COL6A5: variants seen among roughly 807,000 people sequenced by gnomAD.
The protein encoded by COL6A5 is collagen alpha-5(VI) chain.
COL6A5 carries 48 observed loss-of-function variants against 65.6 expected under a neutral mutation model. The ratio of observed to expected loss-of-function variants is 0.73; its 90% CI spans 0.58 to 0.93. The LOEUF is 0.93. Among genes scored for constraint, COL6A5 ranks in the 40% least tolerant of loss-of-function variants. The pLI is 0.00. For missense variants in COL6A5, 914 were observed against 928.3 expected, an observed-to-expected ratio of 0.98 and a Z score of 0.20; for synonymous variants, 291 against 322.8, an observed-to-expected ratio of 0.90 and a Z score of 1.05.
Position 130,411,605 on chromosome 3 carries a change from T to C in COL6A5, c.4662+1081T>C, listed in dbSNP as rs559295759. On this transcript the variant is annotated intron_variant and NMD_transcript_variant, in intron 20 of 41. Transcript: ENST00000312481. ...TCTTCTTCACACAAGAGAATTAGAATGTAATAAGAGGAAGCAGTAGAGCAG... is the reference window on the plus strand; with the variant it reads ...TCTTCTTCACACAAGAGAATTAGAACGTAATAAGAGGAAGCAGTAGAGCAG... Among the ~76,000 whole-genome samples the C allele has an allele frequency of 6.6e-5, 10 of 152,266 alleles. 1 individual carries two copies. In the South Asian group the frequency reaches 2.1e-3, roughly 32 times the overall value.
exon 6 of COL6A5, chr3:130,468,922 G>A: frequency 6.2e-7 from 1 of 1,612,540 alleles, no homozygotes; most frequent in Non-Finnish European, 8.5e-7. Context: ...GAAGTGATGA[G>A]TTTAAGGAAG....
At chr3:130,441,514 G>A (rs529780018) in intron 3 of COL6A5, among the ~76,000 whole-genome samples, 5 of 152,280 alleles carry the variant, frequency 3.3e-5, no homozygotes, top group East Asian at 1.9e-4. Context: ...TTGCTGCAGC[G>A]TACAGTTGCA....
chr3:130,484,045 T>A lies in COL6A5; in HGVS notation c.*4T>A. On this transcript the variant is annotated 3_prime_UTR_variant, in exon 8 of 8. Transcript: ENST00000512836. ...TGTTATATTTTGCAGATGGTGAAGA[T>A]ACAAGGTCATCATAGGAGAAAAGAA... The A allele has an allele frequency of 1.9e-6, 3 of 1,608,752 alleles. No individual in the cohort carries two copies. The South Asian group carries it at 3.3e-5, about 18-fold the overall frequency.
chr3:130,413,243 A>G (rs533721456), intron 20 of COL6A5, among the ~76,000 whole-genome samples: 72 of 147,650 alleles, frequency 4.9e-4, no homozygotes, highest in Admixed American at 1.9e-3. Flanking sequence ...AGGGAAATAC[A>G]GGAGACAGGA....
rs73871006 is a variant in COL6A5 at position 130,442,193 on chromosome 3, C to A, written c.1242-1283C>A. Among the ~76,000 whole-genome samples the A allele has an allele frequency of 9.5e-3, 1,453 of 152,170 alleles. 27 individuals are homozygous for A. Among genetic ancestry groups the A allele is most frequent in the African/African-American group, 0.033 (1,362 of 41,516 alleles). On this transcript the variant is annotated intron_variant, in intron 3 of 7. Coordinates refer to ENST00000512836, the Ensembl canonical transcript of COL6A5. ...TTTGATACCAACTTTCCTATTAGAG[C>A]ATTTTGTTTTATAGCAATTGAAAGA...
At chr3:130,347,398 A>G (rs1004844367) in intron 1 of COL6A5, among the ~76,000 whole-genome samples, 2 of 151,726 alleles carry the variant, frequency 1.3e-5, no homozygotes, top group African/African-American at 4.8e-5. Flanking sequence ...AAAACATCTA[A>G]AAGGCTTTTT....
In COL6A5 at chr3:130,347,038, G is replaced by A. The variant is rs12490721; in HGVS notation, c.-29+1057G>A. On this transcript the variant is annotated intron_variant and NMD_transcript_variant, in intron 1 of 41. Transcript: ENST00000312481. ...CAGATGAGGCAGGCTCTTCATCACT[G>A]CTGAGAACCTGAGCCATTAATCTTT... Among the ~76,000 whole-genome samples the A allele has an allele frequency of 2.5e-3, 388 of 152,294 alleles. 6 individuals are homozygous for A. The highest frequency in any genetic ancestry group is 0.021 in the Admixed American group (315 of 15,304).
intron 20 of COL6A5, among the ~76,000 whole-genome samples, chr3:130,412,914 C>A (rs1348457882): frequency 6.6e-6 from 1 of 152,104 alleles, no homozygotes; most frequent in African/African-American, 2.4e-5. Context: ...ATAGAATTTT[C>A]AAAAGTACTT....
chr3:130,469,397 C>T, exon 6 of COL6A5: 2 of 1,612,948 alleles, frequency 1.2e-6, no homozygotes, highest in South Asian at 2.2e-5. Context: ...TCTGGATCAT[C>T]ACTTGGTCCA....
chr3:130,443,554 A>C lies in COL6A5; in HGVS notation c.1322A>C (p.Asn441Thr), dbSNP rs1444486480. Residue 441 changes from asparagine to threonine, a missense_variant, in exon 4 of 8, where the codon AAT becomes ACT. Transcript: ENST00000512836. ...AATTTAGGAGGAGAGAATATTCAAA[A>C]TGATGGTTTCCAGTAAGTTAGAAAG... 3 of 1,603,826 alleles carry C rather than the reference A, an allele frequency of 1.9e-6. No individual in the cohort carries two copies. In the Admixed American group the frequency reaches 5.0e-5, roughly 27 times the overall value.
intron 1 of COL6A5, among the ~76,000 whole-genome samples, chr3:130,364,984 T>C (rs569566785): frequency 2.6e-5 from 4 of 152,242 alleles, no homozygotes; most frequent in Non-Finnish European, 5.9e-5. Context: ...AGGTGCTCAG[T>C]TGATGTCATC....
rs756423781 is a variant in COL6A5 at position 130,470,851 on chromosome 3, C to G, written c.2232-20C>G. 8 of 1,579,880 alleles carry G rather than the reference C, an allele frequency of 5.1e-6. No individual in the cohort carries two copies. The highest frequency in any genetic ancestry group is 1.3e-5 in the African/African-American group (1 of 74,148). Reference sequence around the variant, plus strand: ...TGTAGGTGGGTAAAATTTAGACTAACCAGCCCACTCTCTCTCCAGGTGCCA... The same window carrying G: ...TGTAGGTGGGTAAAATTTAGACTAAGCAGCCCACTCTCTCTCCAGGTGCCA... On this transcript the variant is annotated intron_variant, in intron 6 of 7. Coordinates refer to ENST00000512836, the Ensembl canonical transcript of COL6A5.
chr3:130,444,508 G>T (rs145733727), intron 4 of COL6A5, among the ~76,000 whole-genome samples: 1 of 152,220 alleles, frequency 6.6e-6, no homozygotes, highest in Non-Finnish European at 1.5e-5. Flanking sequence ...ACGTTCTTCC[G>T]CCATGGCTTC....
chr3:130,443,570 A>C lies in COL6A5; in HGVS notation c.1332+4A>C. 6.3e-7 allele frequency: 1 copy of C among 1,579,250 alleles called. No individual in the cohort carries two copies. The highest frequency in any genetic ancestry group is 1.7e-5 in the Admixed American group (1 of 59,860). Reference sequence around the variant, plus strand: ...ATATTCAAAATGATGGTTTCCAGTAAGTTAGAAAGCTCTTATATTTACAAG... The same window carrying C: ...ATATTCAAAATGATGGTTTCCAGTACGTTAGAAAGCTCTTATATTTACAAG... On this transcript the variant is annotated splice_donor_region_variant and intron_variant, in intron 4 of 7. Coordinates refer to ENST00000512836, the Ensembl canonical transcript of COL6A5.
chr3:130,481,779 C>T lies in COL6A5; in HGVS notation c.2329-2256C>T, dbSNP rs1048318765. The stretch of plus-strand genomic sequence containing the variant: ...AGTATCTCATTGTGGTTTTGATTTG[C>T]ATTTCTCTAATGATCAGTGATGATG... On this transcript the variant is annotated intron_variant, in intron 7 of 7. Coordinates refer to ENST00000512836, the Ensembl canonical transcript of COL6A5. Among the ~76,000 whole-genome samples the T allele has an allele frequency of 3.3e-5, 5 of 152,268 alleles. No homozygotes were observed. The South Asian group carries it at 1.0e-3, about 32-fold the overall frequency.
At chr3:130,359,448 A>AT (rs998966461) in intron 1 of COL6A5, among the ~76,000 whole-genome samples, 26 of 152,066 alleles carry the variant, frequency 1.7e-4, no homozygotes, top group African/African-American at 5.5e-4. Flanking sequence ...AAAATTGTTT[A>AT]TTTTTTTCTC....
intron 29 of COL6A5, 131 bp from the exon 30 acceptor site, chr3:130,426,083 G>T: frequency 3.7e-6 from 3 of 807,554 alleles, no homozygotes. Context: ...CTGGGTTCAG[G>T]AATATTTTAA....
rs1310311221 is a variant in COL6A5 at position 130,385,275 on chromosome 3, G to T, written c.1772G>T (p.Gly591Val). ...AAAATAGAACTGCAAGAAATTGCTGGGAAAGAAGAAAGGGTTAGCTTTGGG... is the reference window on the plus strand; with the variant it reads ...AAAATAGAACTGCAAGAAATTGCTGTGAAAGAAGAAAGGGTTAGCTTTGGG... The change falls in exon 5 of 42, where the codon GGG becomes GTG. Residue 591 changes from glycine (G) to valine (V), a missense_variant and NMD_transcript_variant. Physicochemically the swap from Gly to Val is moderately radical, Grantham distance 109 (BLOSUM62 -3). Transcript: ENST00000312481. The T allele has an allele frequency of 1.3e-6, 2 of 1,550,772 alleles. No homozygotes were observed. The highest frequency in any genetic ancestry group is 1.7e-6 in the Non-Finnish European group (2 of 1,146,480).
Position 130,443,581 on chromosome 3 carries a change from T to G in COL6A5, c.1332+15T>G, listed in dbSNP as rs1424640872. The G allele has an allele frequency of 1.9e-6, 3 of 1,542,702 alleles. No individual in the cohort carries two copies. Among genetic ancestry groups the G allele is most frequent in the African/African-American group, 1.4e-5 (1 of 73,670 alleles). ...GATGGTTTCCAGTAAGTTAGAAAGC[T>G]CTTATATTTACAAGTGACTGCTAAT... On this transcript the variant is annotated intron_variant, in intron 4 of 7. Coordinates refer to ENST00000512836, the Ensembl canonical transcript of COL6A5.
Sources: gnomAD v4.1 joint callset for allele counts (sites outside exome capture counted in the v4.1 genomes callset) on GRCh38, gnomAD v4.1.1 for gene constraint, MANE v1.5 for transcripts, NCBI Gene and HGNC (gene_info 2026-07-23, HGNC 2026-07-21) for gene names.